The following UBE2R2 variants were observed in gnomAD, a reference collection of about 807,000 sequenced individuals.
UBE2R2 encodes the protein ubiquitin-conjugating enzyme E2 R2.
In UBE2R2, 1 loss-of-function variant was observed where a neutral mutation model predicts 27.8. The ratio of observed to expected loss-of-function variants is 0.04; its 90% CI spans 0.01 to 0.17. The LOEUF (loss-of-function observed/expected upper bound fraction) is 0.17, where lower values mean the gene tolerates loss of function less well. Ranked by LOEUF, UBE2R2 falls within the 10% of genes least tolerant of loss-of-function variation. The pLI is 1.00. For synonymous variants in UBE2R2, 106 were observed against 113.3 expected (o/e 0.94, Z 0.41); for missense variants, 100 against 291.0 (o/e 0.34, Z 4.78).
In UBE2R2 at chr9:33,848,501, G is replaced by A. The variant is rs144230729; in HGVS notation, c.177+30567G>A. Among the ~76,000 whole-genome samples the A allele has an allele frequency of 4.7e-3, 718 of 152,252 alleles. 4 individuals are homozygous for A. Among genetic ancestry groups the A allele is most frequent in the African/African-American group, 0.016 (658 of 41,546 alleles). On this transcript the variant is annotated intron_variant, in intron 1 of 4. Coordinates refer to ENST00000263228, the MANE Select transcript of UBE2R2 (RefSeq NM_017811.4). ...CAGTCAAGGATTGATTTAGGTTGGG[G>A]CTGGGTTACAGTTTTCAAAAGACTT...
chr9:33,850,908 C>G (rs987799068), intron 1 of UBE2R2, among the ~76,000 whole-genome samples: 6 of 152,116 alleles, frequency 3.9e-5, no homozygotes, highest in Admixed American at 2.6e-4. Flanking sequence ...TGAGCCCTGC[C>G]CCCAGATGCA....
At chr9:33,869,964 A>G (rs1487322369) in intron 1 of UBE2R2, among the ~76,000 whole-genome samples, 2 of 151,978 alleles carry the variant, frequency 1.3e-5, no homozygotes, top group Admixed American at 6.6e-5. Flanking sequence ...CTCCTGCCTC[A>G]GTCTCCTGAG....
chr9:33,887,099 T>C, intron 2 of UBE2R2, 132 bp downstream of exon 2: 1 of 707,038 alleles, frequency 1.4e-6, no homozygotes. Context: ...ATTTTGCACT[T>C]CAGTTAACAG....
intron 2 of UBE2R2, among the ~76,000 whole-genome samples, chr9:33,890,135 T>C (rs1355609848): frequency 1.5e-5 from 2 of 129,370 alleles, no homozygotes; most frequent in Non-Finnish European, 3.8e-5. Context: ...CCCTTTCCAC[T>C]TTTTTTTCAG....
chr9:33,903,525 C>T (rs924504431), intron 3 of UBE2R2, among the ~76,000 whole-genome samples: 10 of 152,182 alleles, frequency 6.6e-5, no homozygotes, highest in Admixed American at 3.3e-4. Flanking sequence ...ATTGCCACCA[C>T]CCATGGGAAT....
rs74405854 is a variant in UBE2R2, at chr9:33,874,445, C to G, written c.178-12436C>G. ...AAGTTCTTTAAATGCCCCATTCTTC[C>G]TCCGTTGCCCTCTGTTCCTGAGCTG... On this transcript the variant is annotated intron_variant, in intron 1 of 4. Transcript: ENST00000263228. 3.1e-3 allele frequency among the ~76,000 whole-genome samples: 475 copies of G among 152,074 alleles called. 3 individuals are homozygous for G. Among genetic ancestry groups the G allele is most frequent in the African/African-American group, 0.011 (440 of 41,472 alleles).
At chr9:33,857,328 A>G (rs982198606) in intron 1 of UBE2R2, among the ~76,000 whole-genome samples, 3 of 149,080 alleles carry the variant, frequency 2.0e-5, no homozygotes, top group Admixed American at 1.3e-4. Flanking sequence ...TTATTTATTT[A>G]TTTATTTTGA....
intron 2 of UBE2R2, among the ~76,000 whole-genome samples, chr9:33,897,317 ACT>A (rs1286863684): frequency 1.3e-5 from 1 of 75,528 alleles, no homozygotes; most frequent in African/African-American, 4.9e-5. Flanking sequence ...ATTCAGAAAA[ACT>A]CTTTTTTTTT....
At chr9:33,817,013 G>A (rs1353057691), upstream of UBE2R2, among the ~76,000 whole-genome samples, 18 of 151,332 alleles carry the variant, frequency 1.2e-4, no homozygotes, top group Admixed American at 4.6e-4. Context: ...ACGGGAGGAG[G>A]AGGAGGTGGT....
At chr9:33,858,610 C>T (rs933573858) in intron 1 of UBE2R2, among the ~76,000 whole-genome samples, 1 of 151,988 alleles carries the variant, frequency 6.6e-6, no homozygotes, top group Non-Finnish European at 1.5e-5. Flanking sequence ...CCATGTTGCC[C>T]AGGCTGGTCT....
At chr9:33,826,717 AAAAAG>A (rs1274487625) in intron 1 of UBE2R2, among the ~76,000 whole-genome samples, 2 of 152,074 alleles carry the variant, frequency 1.3e-5, no homozygotes, top group Non-Finnish European at 2.9e-5. Flanking sequence ...CCCTCCAAAA[AAAAAG>A]AAAAGTGAAT....
intron 1 of UBE2R2, among the ~76,000 whole-genome samples, chr9:33,849,031 C>T (rs1027190581): frequency 2.8e-4 from 43 of 151,574 alleles, no homozygotes; most frequent in Non-Finnish European, 5.4e-4. Context: ...CCAAGGAGGG[C>T]GGATCACCTG....
chr9:33,867,507 T>C (rs1821390918), intron 1 of UBE2R2, among the ~76,000 whole-genome samples: 1 of 152,208 alleles, frequency 6.6e-6, no homozygotes, highest in Non-Finnish European at 1.5e-5. Context: ...TCTAAGCTGG[T>C]TGTACCTGTT....
chr9:33,897,393 C>A (rs1346339006), intron 2 of UBE2R2, among the ~76,000 whole-genome samples: 1 of 150,170 alleles, frequency 6.7e-6, no homozygotes, highest in Admixed American at 6.7e-5. Context: ...TCTCGGCTCA[C>A]CGCAACCTCC....
intron 1 of UBE2R2, among the ~76,000 whole-genome samples, chr9:33,863,439 G>A (rs918412978): frequency 9.9e-5 from 15 of 151,854 alleles, no homozygotes; most frequent in Non-Finnish European, 1.9e-4. Context: ...CTGAACCCGG[G>A]AGGCAGAGGT....
rs57089790 is a variant in UBE2R2, at chr9:33,859,760, TTG to T, written c.178-27082_178-27081del. On this transcript the variant is annotated intron_variant, in intron 1 of 4. Transcript: ENST00000263228. ...CAGTCCTTGTGGTTATCTAAGCCTT[TTG>T]TGTGTGTGTGTGTGTGTGTGTGTGT... Among the ~76,000 whole-genome samples the T allele has an allele frequency of 9.2e-3, 1,198 of 130,674 alleles. 6 individuals carry two copies. The highest frequency in any genetic ancestry group is 0.03 in the Middle Eastern group (8 of 270). The allele number at this position is 130,674 out of a possible 152,430, so 85.7% of individuals were successfully genotyped here. A position where few individuals can be genotyped will look rare whatever the true frequency, so the allele number is the denominator to read the frequency against.
At chr9:33,821,655 T>C (rs188474145) in intron 1 of UBE2R2, among the ~76,000 whole-genome samples, 2 of 152,222 alleles carry the variant, frequency 1.3e-5, no homozygotes, top group African/African-American at 4.8e-5. Flanking sequence ...CTCACTCTTT[T>C]GCCAGGCTGG....
At chr9:33,903,638 C>T (rs1348046785) in intron 3 of UBE2R2, among the ~76,000 whole-genome samples, 2 of 152,124 alleles carry the variant, frequency 1.3e-5, no homozygotes, top group Non-Finnish European at 2.9e-5. Flanking sequence ...TTAAAATAGG[C>T]CTACTTCTCA....
At chr9:33,872,859 G>A (rs189820361) in intron 1 of UBE2R2, among the ~76,000 whole-genome samples, 1 of 151,782 alleles carries the variant, frequency 6.6e-6, no homozygotes, top group Non-Finnish European at 1.5e-5. Context: ...CTTGCTTAAC[G>A]GTTTCAGAAA....
Sources: allele counts gnomAD v4.1 joint callset (sites outside exome capture counted in the v4.1 genomes callset), GRCh38; gene constraint gnomAD v4.1.1; transcripts MANE v1.5; gene names NCBI Gene and HGNC (gene_info 2026-07-23, HGNC 2026-07-21).